FKBP1A: variants seen among roughly 807,000 people sequenced by gnomAD.
The protein encoded by FKBP1A is FKBP prolyl isomerase 1A.
A neutral mutation model predicts 14.2 loss-of-function variants in FKBP1A; 5 were observed. That is an observed-to-expected ratio of 0.35 (90% CI 0.18 to 0.74). FKBP1A has a LOEUF of 0.74. Ranked by LOEUF, FKBP1A falls within the 30% of genes least tolerant of loss-of-function variation. FKBP1A has a pLI of 0.56. For synonymous variants in FKBP1A, 42 were observed against 49.1 expected (o/e 0.86, Z 0.60); for missense variants, 53 against 138.8 (o/e 0.38, Z 3.10).
At chr20:1,387,049 T>G (rs1325760776) in intron 2 of FKBP1A, among the ~76,000 whole-genome samples, 1 of 152,204 alleles carries the variant, frequency 6.6e-6, no homozygotes, top group Non-Finnish European at 1.5e-5. Context: ...CAGGTGACAA[T>G]ATTTTTAGAG....
chr20:1,392,133 T>C (rs914967529), intron 2 of FKBP1A, among the ~76,000 whole-genome samples: 2 of 152,226 alleles, frequency 1.3e-5, no homozygotes, highest in Non-Finnish European at 2.9e-5. Flanking sequence ...CTAGAAGAGC[T>C]GGGGGACTAA....
intron 2 of FKBP1A, among the ~76,000 whole-genome samples, chr20:1,385,460 G>A (rs1457555028): frequency 6.6e-6 from 1 of 151,854 alleles, no homozygotes; most frequent in Non-Finnish European, 1.5e-5. Context: ...TTTTCTATAG[G>A]GTATAATGGT....
chr20:1,373,241 A>G (rs2089493124), intron 3 of FKBP1A: 1 of 152,256 alleles, frequency 6.6e-6, no homozygotes, highest in Admixed American at 6.5e-5. Context: ...TTCTATTTCC[A>G]GAATATTCTG....
At chr20:1,382,576 A>C (rs532965254) in intron 2 of FKBP1A, among the ~76,000 whole-genome samples, 106 of 152,214 alleles carry the variant, frequency 7.0e-4, no homozygotes, top group Middle Eastern at 3.4e-3. Flanking sequence ...ACTCAAGAGC[A>C]CTCTTGGATT....
rs60028971 is a variant in FKBP1A, at chr20:1,383,348, TAA to T, written c.86-7747_86-7746del. Among the ~76,000 whole-genome samples, 975 of 145,504 alleles carry T rather than the reference TAA, an allele frequency of 6.7e-3. 7 individuals carry two copies. Among genetic ancestry groups the T allele is most frequent in the African/African-American group, 0.019 (771 of 39,996 alleles). ...GACAAAATATGGGAAGTTTTAAGAT[TAA>T]AAAAAAAAAAATGACTAAACTAAAC... is the stretch of plus-strand genomic sequence containing the variant. On this transcript the variant is annotated intron_variant, in intron 2 of 4. Coordinates refer to ENST00000400137, the MANE Select transcript of FKBP1A (RefSeq NM_000801.5).
intron 2 of FKBP1A, chr20:1,391,472 G>A (rs2089735639): frequency 5.1e-6 from 2 of 389,840 alleles, no homozygotes. Flanking sequence ...CCAGAAAGAT[G>A]GGTTTCAGTA....
chr20:1,385,595 C>T (rs1365763382), intron 2 of FKBP1A, among the ~76,000 whole-genome samples: 1 of 152,020 alleles, frequency 6.6e-6, no homozygotes, highest in South Asian at 2.1e-4. Context: ...TACTACCCCT[C>T]GGCTGAAAAA....
At position 1,372,236 on chromosome 20, in the gene FKBP1A, C is replaced by A; in HGVS notation, c.203G>T (p.Ser68Ile). Residue 68 changes from serine to isoleucine, a missense_variant, in exon 4 of 5, where the codon AGT (serine) becomes ATT (isoleucine). Physicochemically the swap from Ser to Ile is moderately radical, Grantham distance 142 (BLOSUM62 -2). Around this residue, in one of 2 missense-constraint regions of FKBP1A, gnomAD observed 35 missense variants for 118.1 expected, o/e 0.30. Transcript: ENST00000400137. ...AGTCAGTTTGGCTCTCTGACCCACA[C>A]TCATCTGTGAAAAGAACAAGGAAGA... Reference protein sequence around the residue: ...RGWEEGVAQMSVGQRAKLTIS... With the variant: ...RGWEEGVAQMIVGQRAKLTIS... 6.2e-7 allele frequency: 1 copy of A among 1,613,686 alleles called. No homozygotes were observed. Among genetic ancestry groups the A allele is most frequent in the Non-Finnish European group, 8.5e-7 (1 of 1,179,714 alleles).
chr20:1,389,216 A>G (rs1283169595), intron 2 of FKBP1A, among the ~76,000 whole-genome samples: 1 of 152,118 alleles, frequency 6.6e-6, no homozygotes, highest in African/African-American at 2.4e-5. Context: ...GTCTTTGTCT[A>G]TTTAGTTCAC....
chr20:1,389,138 T>C (rs188919582), intron 2 of FKBP1A, among the ~76,000 whole-genome samples: 4 of 152,308 alleles, frequency 2.6e-5, no homozygotes, highest in Admixed American at 2.0e-4. Context: ...CAGCGCTTCT[T>C]ACTACCTGAT....
At chr20:1,380,851 C>A (rs2089609640) in intron 2 of FKBP1A, among the ~76,000 whole-genome samples, 1 of 152,176 alleles carries the variant, frequency 6.6e-6, no homozygotes, top group Non-Finnish European at 1.5e-5. Flanking sequence ...AAGACTCCAA[C>A]TTTCAGAGAT....
At chr20:1,373,141 G>C (rs1390526617) in intron 3 of FKBP1A, 1 of 152,204 alleles carries the variant, frequency 6.6e-6, no homozygotes, top group African/African-American at 2.4e-5. Context: ...CCCCTCAGAA[G>C]CTGGGACATG....
intron 2 of FKBP1A, among the ~76,000 whole-genome samples, chr20:1,390,360 G>C (rs71328070): frequency 6.9e-6 from 1 of 145,690 alleles, no homozygotes; most frequent in Non-Finnish European, 1.5e-5. Context: ...GAGGGGGGAG[G>C]GGGGAGGGGG....
At chr20:1,385,016 G>A (rs1266091195) in intron 2 of FKBP1A, among the ~76,000 whole-genome samples, 1 of 152,218 alleles carries the variant, frequency 6.6e-6, no homozygotes, top group African/African-American at 2.4e-5. Context: ...CTGTGGGTGT[G>A]TCTCTCCATT....
intron 3 of FKBP1A, among the ~76,000 whole-genome samples, chr20:1,373,820 T>C (rs2089502136): frequency 6.6e-6 from 1 of 151,362 alleles, no homozygotes; most frequent in Admixed American, 6.6e-5. Context: ...GGGGATGGGC[T>C]ACAGATCCAA....
In FKBP1A at chr20:1,370,536, A is replaced by G. The variant is rs1046558180; in HGVS notation, c.*37-464T>C. ...CAGGTGACTCTCATGTGCAGTCCAG[A>G]CTGAGAATAAACTGGTCATTCATAA... On this transcript the variant is annotated intron_variant, in intron 4 of 4. Coordinates refer to ENST00000400137, the MANE Select transcript of FKBP1A (RefSeq NM_000801.5). 9 of 984,998 alleles carry G rather than the reference A, an allele frequency of 9.1e-6. No homozygotes were observed. The African/African-American group carries it at 1.2e-4, about 13-fold the overall frequency. The allele number at this position is 984,998 out of a possible 1,614,324, so 61.0% of individuals were successfully genotyped here.
intron 2 of FKBP1A, among the ~76,000 whole-genome samples, chr20:1,382,694 G>A (rs1299952438): frequency 6.6e-6 from 1 of 152,140 alleles, no homozygotes; most frequent in African/African-American, 2.4e-5. Context: ...ATCCCAGAAT[G>A]GTAAACTTTA....
rs1018327842 is a variant in FKBP1A at position 1,375,994 on chromosome 20, A to G, written c.86-391T>C. On this transcript the variant is annotated intron_variant, in intron 2 of 4. Transcript: ENST00000400137. The stretch of plus-strand genomic sequence containing the variant: ...CACACTATGTCTAGAAGTCACACAC[A>G]GTGCAAGAAGCAATATTCCTTCCCA... Among the ~76,000 whole-genome samples, 21 of 152,326 alleles carry G rather than the reference A, an allele frequency of 1.4e-4. 1 individual carries two copies. Among genetic ancestry groups the G allele is most frequent in the Admixed American group, 1.1e-3 (17 of 15,302 alleles).
intron 2 of FKBP1A, among the ~76,000 whole-genome samples, chr20:1,385,156 G>A (rs1252926371): frequency 1.3e-5 from 2 of 152,294 alleles, no homozygotes; most frequent in East Asian, 1.9e-4. Flanking sequence ...TTGGGAGGCT[G>A]AGGCAGGTGG....
Sources: allele counts gnomAD v4.1 joint callset (sites outside exome capture counted in the v4.1 genomes callset), GRCh38; gene constraint gnomAD v4.1.1; regional missense constraint gnomAD v4.1.1; transcripts MANE v1.5; gene names NCBI Gene and HGNC (gene_info 2026-07-23, HGNC 2026-07-21).